ATP2B2: variants seen among roughly 807,000 people sequenced by gnomAD.
The protein encoded by ATP2B2 is plasma membrane calcium-transporting ATPase 2.
A neutral mutation model predicts 120.0 loss-of-function variants in ATP2B2; 15 were observed. The ratio of observed to expected loss-of-function variants is 0.12; its 90% CI spans 0.08 to 0.19. The LOEUF is 0.19. Ranked by LOEUF, ATP2B2 falls within the 10% of genes least tolerant of loss-of-function variation. The pLI is 1.00. For synonymous variants in ATP2B2, 694 were observed against 700.3 expected, an observed-to-expected ratio of 0.99 and a Z score of 0.14; for missense variants, 1,045 against 1,719.8, an observed-to-expected ratio of 0.61 and a Z score of 6.94.
At chr3:10,598,672 A>C (rs1202730193) in intron 2 of ATP2B2, among the ~76,000 whole-genome samples, 2 of 152,242 alleles carry the variant, frequency 1.3e-5, no homozygotes, top group African/African-American at 4.8e-5. Flanking sequence ...CTCTAGGAGT[A>C]TCTCTGGTTG....
chr3:10,441,967 T>C lies in ATP2B2; in HGVS notation c.199+7378A>G, dbSNP rs145488525. 2.1e-3 allele frequency among the ~76,000 whole-genome samples: 325 copies of C among 152,272 alleles called. 4 individuals carry two copies. The highest frequency in any genetic ancestry group is 7.4e-3 in the African/African-American group (308 of 41,546). On this transcript the variant is annotated intron_variant, in intron 2 of 22. Coordinates refer to ENST00000360273, the MANE Select transcript of ATP2B2 (RefSeq NM_001001331.4). ...ATATTCCTTCCCTTTTCTGGGCACA[T>C]AGTAGGCACTTAGTGATTAGTGCAT...
In ATP2B2 at chr3:10,501,641, C is replaced by T. The variant is rs77980685; in HGVS notation, c.-320+3824G>A. On this transcript the variant is annotated intron_variant, in intron 1 of 22. Coordinates refer to ENST00000360273, the MANE Select transcript of ATP2B2 (RefSeq NM_001001331.4). ...CCTTGTTTTGGATTTGAGGGTTCAT[C>T]GGTCCTCAGGAGGGCCTGATTTAGC... is the stretch of plus-strand genomic sequence containing the variant. Among the ~76,000 whole-genome samples, 566 of 152,208 alleles carry T rather than the reference C, an allele frequency of 3.7e-3. 29 individuals carry two copies. The East Asian group carries it at 0.091, about 25-fold the overall frequency.
At position 10,380,665 on chromosome 3, in the gene ATP2B2, A is replaced by G. The variant is rs116478844; in HGVS notation, c.1001-1381T>C. The stretch of plus-strand genomic sequence containing the variant: ...TCCAGAAGCTGCCGTCAGGGAGACC[A>G]TGGACACCCCTCAGCCCCTCTGAGC... On this transcript the variant is annotated intron_variant, in intron 8 of 22. Coordinates refer to ENST00000360273, the MANE Select transcript of ATP2B2 (RefSeq NM_001001331.4). 3.9e-3 allele frequency among the ~76,000 whole-genome samples: 599 copies of G among 152,264 alleles called. 5 individuals are homozygous for G. The highest frequency in any genetic ancestry group is 0.014 in the African/African-American group (564 of 41,554).
intron 14 of ATP2B2, among the ~76,000 whole-genome samples, chr3:10,355,712 C>A (rs1446460979): frequency 6.6e-6 from 1 of 152,210 alleles, no homozygotes; most frequent in African/African-American, 2.4e-5. Flanking sequence ...AGCTCTGCCC[C>A]CTCAGGCCCT....
At chr3:10,705,899 T>A (rs1269012574) in intron 1 of ATP2B2, among the ~76,000 whole-genome samples, 3 of 152,228 alleles carry the variant, frequency 2.0e-5, no homozygotes, top group Non-Finnish European at 1.5e-5. Flanking sequence ...TCTCTCACTC[T>A]CAAGGTATCT....
chr3:10,365,915 C>G (rs895390687), intron 12 of ATP2B2, among the ~76,000 whole-genome samples: 1 of 2,112 alleles, frequency 4.7e-4, no homozygotes, highest in African/African-American at 2.4e-3. Context: ...CAGCTCTGTT[C>G]AAAACTGGAA....
At chr3:10,615,818 T>A (rs1164065680) in intron 2 of ATP2B2, among the ~76,000 whole-genome samples, 1 of 152,224 alleles carries the variant, frequency 6.6e-6, no homozygotes, top group Admixed American at 6.5e-5. Flanking sequence ...CTAACTCACT[T>A]CTTCTCACTT....
intron 1 of ATP2B2, among the ~76,000 whole-genome samples, chr3:10,664,519 G>T (rs1007608436): frequency 6.6e-6 from 1 of 152,146 alleles, no homozygotes; most frequent in Non-Finnish European, 1.5e-5. Flanking sequence ...CCTCTGGAAG[G>T]CTCCTTGGTC....
intron 2 of ATP2B2, among the ~76,000 whole-genome samples, chr3:10,585,493 G>GGAAAAAAAAA (rs1250583445): frequency 1.8e-4 from 5 of 28,510 alleles, no homozygotes; most frequent in African/African-American, 8.2e-4. Context: ...GACTCCGTCT[G>GGAAAAAAAAA]AAAAAAAAAA....
At chr3:10,606,947 A>AGAGGGG (rs1325413841) in intron 2 of ATP2B2, among the ~76,000 whole-genome samples, 2 of 71,048 alleles carry the variant, frequency 2.8e-5, no homozygotes, top group African/African-American at 2.0e-4. Context: ...AGGGAGAGGG[A>AGAGGGG]GAGGGGGAGG....
intron 2 of ATP2B2, among the ~76,000 whole-genome samples, chr3:10,588,652 C>T (rs1401737771): frequency 1.3e-5 from 2 of 152,156 alleles, no homozygotes; most frequent in Admixed American, 1.3e-4. Flanking sequence ...GATCTCAACC[C>T]ACGTATCTCT....
intron 1 of ATP2B2, among the ~76,000 whole-genome samples, chr3:10,672,459 T>G (rs537274303): frequency 1.3e-5 from 2 of 152,220 alleles, no homozygotes; most frequent in African/African-American, 2.4e-5. Context: ...TGGAAAGCCC[T>G]GTTGTCTTCT....
intron 18 of ATP2B2, among the ~76,000 whole-genome samples, chr3:10,344,511 G>T (rs2060373995): frequency 6.6e-6 from 1 of 152,256 alleles, no homozygotes; most frequent in South Asian, 2.1e-4. Context: ...TTGGGGCAGT[G>T]CTGCACTCTG....
At chr3:10,450,525 C>T (rs1312380525) in intron 1 of ATP2B2, among the ~76,000 whole-genome samples, 2 of 152,174 alleles carry the variant, frequency 1.3e-5, no homozygotes, top group Non-Finnish European at 1.5e-5. Flanking sequence ...TGGGAGAAAG[C>T]CCCCACCTGC....
Position 10,325,329 on chromosome 3 carries a change from A to T in ATP2B2, c.*3485T>A, listed in dbSNP as rs1374064187. ...AGAGTGAAGGGACTCATCCCACCAC[A>T]TAATAAGACATTAGAAATTGACAAT... On this transcript the variant is annotated 3_prime_UTR_variant, in exon 23 of 23. Coordinates refer to ENST00000360273, the MANE Select transcript of ATP2B2 (RefSeq NM_001001331.4). The T allele has an allele frequency of 6.6e-6, 1 of 152,256 alleles. No individual in the cohort carries two copies. The highest frequency in any genetic ancestry group is 2.4e-5 in the African/African-American group (1 of 41,462). 9.4% of individuals were successfully genotyped at this position (152,256 alleles called of 1,614,324 possible).
At chr3:10,590,497 C>T (rs903523820) in intron 2 of ATP2B2, among the ~76,000 whole-genome samples, 4 of 152,234 alleles carry the variant, frequency 2.6e-5, no homozygotes, top group African/African-American at 9.6e-5. Flanking sequence ...GGGCCACCTC[C>T]TGGGCCATTT....
chr3:10,364,234 A>G (rs1478548807), intron 12 of ATP2B2, among the ~76,000 whole-genome samples: 1 of 152,206 alleles, frequency 6.6e-6, no homozygotes, highest in Admixed American at 6.5e-5. Flanking sequence ...GGAGAGGGGA[A>G]TGGAAACTTA....
chr3:10,658,814 GA>G (rs2070706326), intron 1 of ATP2B2, among the ~76,000 whole-genome samples: 1 of 152,008 alleles, frequency 6.6e-6, no homozygotes, highest in Non-Finnish European at 1.5e-5. Context: ...AAGTTGAAAT[GA>G]AGGAAAAAAT....
chr3:10,381,822 C>A (rs922609619), intron 8 of ATP2B2, among the ~76,000 whole-genome samples: 4 of 152,158 alleles, frequency 2.6e-5, no homozygotes, highest in Admixed American at 6.5e-5. Flanking sequence ...TCTCTCTGTG[C>A]ATCACAAAGG....
Sources: gnomAD v4.1 joint callset for allele counts (sites outside exome capture counted in the v4.1 genomes callset) on GRCh38, gnomAD v4.1.1 for gene constraint, MANE v1.5 for transcripts, NCBI Gene and HGNC (gene_info 2026-07-23, HGNC 2026-07-21) for gene names.